Variants in ARF1 observed in about 807,000 individuals in gnomAD.
ARF1 encodes ARF GTPase 1, also known as ADP-ribosylation factor 1.
ARF1 carries 1 observed loss-of-function variant against 18.0 expected under a neutral mutation model. The observed-to-expected ratio is 0.06, with a 90% CI of 0.02 to 0.26. ARF1 has a LOEUF of 0.26. ARF1 is among the 10% of genes least tolerant of loss of function. ARF1 has a pLI of 1.00. For missense variants in ARF1, 73 were observed against 247.2 expected (o/e 0.30, Z 4.73); for synonymous variants, 112 against 96.3 (o/e 1.16, Z -0.95).
At position 228,089,364 on chromosome 1, in the gene ARF1, T is replaced by C. The variant is rs74140953; in HGVS notation, c.-38+6599T>C. Among the ~76,000 whole-genome samples, 1,039 of 152,060 alleles carry C rather than the reference T, an allele frequency of 6.8e-3. 7 individuals are homozygous for C. The highest frequency in any genetic ancestry group is 0.021 in the African/African-American group (864 of 41,492). ...CTGCAAGGGCGGTGGCCTCCCAGGG[T>C]CTGTGGGGGGGCATCCCCGTCTCTT... On this transcript the variant is annotated intron_variant, in intron 1 of 4. Coordinates refer to ENST00000272102, the MANE Select transcript of ARF1 (RefSeq NM_001658.4). The surrounding 1 kb of genome is among the most constrained non-coding windows in gnomAD (Gnocchi z 4.1).
intron 1 of ARF1, among the ~76,000 whole-genome samples, chr1:228,087,664 C>T (rs1281398161): frequency 6.6e-6 from 1 of 152,138 alleles, no homozygotes; most frequent in Non-Finnish European, 1.5e-5. Context: ...TATACCTACT[C>T]ATCAGCTGAG....
chr1:228,083,679 A>G (rs1161620055), intron 1 of ARF1, among the ~76,000 whole-genome samples: 1 of 152,242 alleles, frequency 6.6e-6, no homozygotes, highest in African/African-American at 2.4e-5. Context: ...ACCTGCTCGC[A>G]GACTCTAGGC....
Position 228,099,198 on chromosome 1 carries a change from C to T in ARF1, c.*1185C>T, listed in dbSNP as rs986531636. Reference sequence around the variant, plus strand: ...GTAATTATAGCTATTAGAATAAAATCTCTTAACTATTTCACCGGCTCTCCA... The same window carrying T: ...GTAATTATAGCTATTAGAATAAAATTTCTTAACTATTTCACCGGCTCTCCA... On this transcript the variant is annotated 3_prime_UTR_variant, in exon 5 of 5. Transcript: ENST00000272102. 1.3e-5 allele frequency: 2 copies of T among 152,616 alleles called. No homozygotes were observed. The highest frequency in any genetic ancestry group is 4.8e-5 in the African/African-American group (2 of 41,444). The allele number at this position is 152,616 out of a possible 1,614,324, so 9.5% of individuals were successfully genotyped here. A position where few individuals can be genotyped will look rare whatever the true frequency, so the allele number is the denominator to read the frequency against.
intron 1 of ARF1, among the ~76,000 whole-genome samples, chr1:228,086,178 G>A (rs1434063349): frequency 6.6e-6 from 1 of 152,158 alleles, no homozygotes; most frequent in Non-Finnish European, 1.5e-5. Context: ...TTCCACATTT[G>A]TACAAAGGAA....
In ARF1 at chr1:228,097,527, G is replaced by A. The variant is rs2032792253; in HGVS notation, c.260-64G>A. ...GGGGCCAGCCCATAGATGGGGCATC[G>A]ATGCCCATAGATGCGGCAGGGGGGC... is the stretch of plus-strand genomic sequence containing the variant. On this transcript the variant is annotated intron_variant, in intron 3 of 4. Coordinates refer to ENST00000272102, the MANE Select transcript of ARF1 (RefSeq NM_001658.4). The surrounding 1 kb of genome is among the most constrained non-coding windows in gnomAD (Gnocchi z 8.1). 12 of 1,613,646 alleles carry A rather than the reference G, an allele frequency of 7.4e-6. No individual in the cohort carries two copies. Among genetic ancestry groups the A allele is most frequent in the African/African-American group, 4.0e-5 (3 of 74,876 alleles).
At chr1:228,083,427 G>A (rs2032286663) in intron 1 of ARF1, 1 of 152,364 alleles carries the variant, frequency 6.6e-6, no homozygotes, top group Non-Finnish European at 1.5e-5. Context: ...GGAACCCCGT[G>A]CCCTTCCCTG....
In ARF1 at chr1:228,098,107, C is replaced by T. The variant is rs1381942059; in HGVS notation, c.*94C>T. 12 of 1,476,780 alleles carry T rather than the reference C, an allele frequency of 8.1e-6. 1 individual carries two copies. In the South Asian group the frequency reaches 9.5e-5, roughly 12 times the overall value. 91.5% of individuals were successfully genotyped at this position (1,476,780 alleles called of 1,614,324 possible). The stretch of plus-strand genomic sequence containing the variant: ...TGGTGTGAGTGCCAGAAGCTGCCTC[C>T]GTGGTTTGGTCACCGTGTGCATCGC... On this transcript the variant is annotated 3_prime_UTR_variant, in exon 5 of 5. Coordinates refer to ENST00000272102, the MANE Select transcript of ARF1 (RefSeq NM_001658.4).
intron 1 of ARF1, among the ~76,000 whole-genome samples, chr1:228,084,766 A>C (rs987888044): frequency 6.6e-6 from 1 of 152,248 alleles, no homozygotes; most frequent in African/African-American, 2.4e-5. Context: ...AAGTAGACCT[A>C]AGAGAAAAAA....
At chr1:228,084,011 TCAG>T (rs1266209658) in intron 1 of ARF1, among the ~76,000 whole-genome samples, 2 of 152,236 alleles carry the variant, frequency 1.3e-5, no homozygotes, top group Non-Finnish European at 2.9e-5. Context: ...GAACTAGTGG[TCAG>T]CAGTTTTCTT....
intron 1 of ARF1, among the ~76,000 whole-genome samples, chr1:228,095,170 A>T (rs1319031628): frequency 6.6e-6 from 1 of 151,344 alleles, no homozygotes; most frequent in East Asian, 2.0e-4. Flanking sequence ...CCTTTGTTAA[A>T]ATAGTATTCT....
At chr1:228,085,748 C>T (rs556384738) in intron 1 of ARF1, among the ~76,000 whole-genome samples, 11 of 152,358 alleles carry the variant, frequency 7.2e-5, no homozygotes, top group Non-Finnish European at 1.5e-4. Flanking sequence ...GGCAGACATT[C>T]TCCCACACCC....
rs1188651691 is a variant in ARF1, at chr1:228,097,986, G to C, written c.519G>C (p.Leu173=). 1.1e-5 allele frequency: 17 copies of C among 1,613,900 alleles called. No homozygotes were observed. The highest frequency in any genetic ancestry group is 1.4e-5 in the Non-Finnish European group (16 of 1,179,936). Residue 173 remains leucine (L), a synonymous_variant, in exon 5 of 5, where the codon CTG becomes CTC. Coordinates refer to ENST00000272102, the MANE Select transcript of ARF1 (RefSeq NM_001658.4). The surrounding 1 kb of genome is among the most constrained non-coding windows in gnomAD (Gnocchi z 8.1). ...GDGLYEGLDW[L]SNQLRNQK is the part of the protein sequence containing the mutation. ...GGCTCTATGAAGGACTGGACTGGCT[G>C]TCCAATCAGCTCCGGAACCAGAAGT...
In ARF1 at chr1:228,089,552, A is replaced by T. The variant is rs2032508231; in HGVS notation, c.-38+6787A>T. 6.6e-6 allele frequency among the ~76,000 whole-genome samples: 1 copy of T among 152,212 alleles called. No individual in the cohort carries two copies. The highest frequency in any genetic ancestry group is 1.5e-5 in the Non-Finnish European group (1 of 68,036). Reference sequence around the variant, plus strand: ...GTGTTTCCCCTCAGCCTACATTTTTAAAATGAACGTTTCTTGAAGGCAGAA... The same window carrying T: ...GTGTTTCCCCTCAGCCTACATTTTTTAAATGAACGTTTCTTGAAGGCAGAA... On this transcript the variant is annotated intron_variant, in intron 1 of 4. Transcript: ENST00000272102. This position sits in a 1 kb window ranked among gnomAD's most constrained non-coding sequence, Gnocchi z 4.1.
Position 228,086,666 on chromosome 1 carries a change from G to A in ARF1, c.-38+3901G>A, listed in dbSNP as rs544720596. ...GGCACAGCCAGGAGGGAAAGGTAGC[G>A]CCGTGTCTCTTCCCTCATACACCGC... On this transcript the variant is annotated intron_variant, in intron 1 of 4. Coordinates refer to ENST00000272102, the MANE Select transcript of ARF1 (RefSeq NM_001658.4). 7.9e-5 allele frequency among the ~76,000 whole-genome samples: 12 copies of A among 152,324 alleles called. No individual in the cohort carries two copies. The South Asian group carries it at 1.7e-3, about 21-fold the overall frequency.
intron 1 of ARF1, among the ~76,000 whole-genome samples, chr1:228,096,857 C>G (rs2032762933): frequency 6.6e-6 from 1 of 152,216 alleles, no homozygotes; most frequent in Non-Finnish European, 1.5e-5. Context: ...GACAGCTTCC[C>G]AAGATGAGGG....
chr1:228,097,532 C>A lies in ARF1; in HGVS notation c.260-59C>A. ...CAGCCCATAGATGGGGCATCGATGC[C>A]CATAGATGCGGCAGGGGGGCTGTGT... On this transcript the variant is annotated intron_variant, in intron 3 of 4. Transcript: ENST00000272102. This position sits in a 1 kb window ranked among gnomAD's most constrained non-coding sequence, Gnocchi z 8.1. The A allele has an allele frequency of 6.2e-7, 1 of 1,613,906 alleles. No individual in the cohort carries two copies. The highest frequency in any genetic ancestry group is 1.1e-5 in the South Asian group (1 of 91,076).
intron 1 of ARF1, among the ~76,000 whole-genome samples, chr1:228,095,427 CT>C (rs2032709413): frequency 6.6e-6 from 1 of 152,194 alleles, no homozygotes; most frequent in South Asian, 2.1e-4. Flanking sequence ...AGCTGCTCCC[CT>C]AGACCAAGCT....
In ARF1 at chr1:228,097,857, C is replaced by T. The variant is rs766959640; in HGVS notation, c.390C>T (p.Leu130=). Reference sequence around the variant, plus strand: ...CCAACCCTTCCTTCCCCCAGGACCTCCCCAACGCCATGAATGCGGCCGAGA... The same window carrying T: ...CCAACCCTTCCTTCCCCCAGGACCTTCCCAACGCCATGAATGCGGCCGAGA... The part of the protein sequence containing the change: ...VLLVFANKQD[L]PNAMNAAEIT... Residue 130 remains leucine, a synonymous_variant, in exon 5 of 5, where the codon CTC becomes CTT. Coordinates refer to ENST00000272102, the MANE Select transcript of ARF1 (RefSeq NM_001658.4). The surrounding 1 kb of genome is among the most constrained non-coding windows in gnomAD (Gnocchi z 8.1). 1.9e-6 allele frequency: 3 copies of T among 1,613,714 alleles called. No homozygotes were observed. Among genetic ancestry groups the T allele is most frequent in the South Asian group, 2.2e-5 (2 of 91,062 alleles).
At chr1:228,090,328 GC>G (rs1257912228) in intron 1 of ARF1, among the ~76,000 whole-genome samples, 2 of 152,304 alleles carry the variant, frequency 1.3e-5, no homozygotes, top group East Asian at 3.9e-4. Context: ...CTGGTCAGAA[GC>G]CCTGTGGAGA....
Sources: gnomAD v4.1 joint callset for allele counts (sites outside exome capture counted in the v4.1 genomes callset) on GRCh38, gnomAD v4.1.1 for gene constraint, Gnocchi (gnomAD v3.1) non-coding constraint, MANE v1.5 for transcripts, NCBI Gene and HGNC (gene_info 2026-07-23, HGNC 2026-07-21) for gene names.